Variants in CACNA2D1 observed in about 807,000 individuals in gnomAD.
CACNA2D1 encodes voltage-dependent calcium channel subunit alpha-2/delta-1.
CACNA2D1 carries 53 observed loss-of-function variants against 171.5 expected under a neutral mutation model. The ratio of observed to expected loss-of-function variants is 0.31; its 90% CI spans 0.25 to 0.39. The LOEUF is 0.39. Among genes scored for constraint, CACNA2D1 ranks in the 10% least tolerant of loss-of-function variants. The pLI is 1.00. For synonymous variants in CACNA2D1, 442 were observed against 443.1 expected (o/e 1.00, Z 0.03); for missense variants, 903 against 1,299.8 (o/e 0.69, Z 4.69).
At chr7:82,332,253 G>A (rs2129443891) in intron 3 of CACNA2D1, among the ~76,000 whole-genome samples, 1 of 152,056 alleles carries the variant, frequency 6.6e-6, no homozygotes, top group Middle Eastern at 3.4e-3. Context: ...GTAAACACGG[G>A]GTTTCACCCT....
chr7:82,263,863 G>A (rs142207973), intron 3 of CACNA2D1, among the ~76,000 whole-genome samples: 1 of 152,028 alleles, frequency 6.6e-6, no homozygotes, highest in African/African-American at 2.4e-5. Context: ...CCCAATCTCT[G>A]CAAAATGAAA....
intron 1 of CACNA2D1, among the ~76,000 whole-genome samples, chr7:82,432,222 A>C (rs1239782994): frequency 6.6e-6 from 1 of 152,106 alleles, no homozygotes; most frequent in Non-Finnish European, 1.5e-5. Flanking sequence ...TATGGGAGAG[A>C]AAAAAGAGCA....
At chr7:82,292,179 G>A (rs1242505299) in intron 3 of CACNA2D1, among the ~76,000 whole-genome samples, 3 of 151,948 alleles carry the variant, frequency 2.0e-5, no homozygotes, top group South Asian at 4.1e-4. Context: ...TGATTTCCCT[G>A]GAGTTATACA....
chr7:82,411,091 G>A (rs1827597902), intron 1 of CACNA2D1, among the ~76,000 whole-genome samples: 3 of 152,182 alleles, frequency 2.0e-5, no homozygotes, highest in Admixed American at 6.5e-5. Context: ...TCTAGAGAGT[G>A]TCTTCCAGGT....
intron 7 of CACNA2D1, among the ~76,000 whole-genome samples, chr7:82,082,188 G>A (rs1402860450): frequency 1.3e-5 from 2 of 152,162 alleles, no homozygotes; most frequent in Admixed American, 1.3e-4. Context: ...CTGATGTATG[G>A]GGCAGCTGTC....
intron 4 of CACNA2D1, among the ~76,000 whole-genome samples, chr7:82,160,510 A>G (rs1437520643): frequency 1.3e-5 from 2 of 152,114 alleles, no homozygotes; most frequent in Non-Finnish European, 2.9e-5. Flanking sequence ...ATTTAATAAG[A>G]TTTGGGAGAT....
chr7:82,301,944 G>T (rs1054917714), intron 3 of CACNA2D1, among the ~76,000 whole-genome samples: 11 of 151,990 alleles, frequency 7.2e-5, no homozygotes, highest in Admixed American at 3.3e-4. Flanking sequence ...TTTTTTAGTA[G>T]AGATGGGGTT....
chr7:82,433,449 A>T (rs950378630), intron 1 of CACNA2D1, among the ~76,000 whole-genome samples: 6 of 152,216 alleles, frequency 3.9e-5, no homozygotes, highest in Admixed American at 2.6e-4. Context: ...TGAGAATGGA[A>T]TATGTAATTT....
intron 1 of CACNA2D1, among the ~76,000 whole-genome samples, chr7:82,367,746 G>A (rs1318384321): frequency 4.6e-5 from 7 of 152,080 alleles, no homozygotes; most frequent in Non-Finnish European, 1.5e-5. Context: ...ATATTAGCAA[G>A]GCGTGATGAA....
intron 6 of CACNA2D1, among the ~76,000 whole-genome samples, chr7:82,096,165 G>A (rs1811838768): frequency 6.6e-6 from 1 of 152,178 alleles, no homozygotes; most frequent in Admixed American, 6.5e-5. Flanking sequence ...GAACCAGGCG[G>A]TAAATGTTTT....
chr7:82,251,455 T>G (rs1344025024), intron 3 of CACNA2D1, among the ~76,000 whole-genome samples: 1 of 152,206 alleles, frequency 6.6e-6, no homozygotes, highest in African/African-American at 2.4e-5. Flanking sequence ...CATTTCATTG[T>G]ACATTCATGG....
chr7:82,368,205 A>T (rs1821973645), intron 1 of CACNA2D1, among the ~76,000 whole-genome samples: 2 of 152,340 alleles, frequency 1.3e-5, no homozygotes, highest in South Asian at 2.1e-4. Flanking sequence ...TGCTCCTCGT[A>T]GCAAGCAGAA....
chr7:82,179,197 TGGG>T (rs1402776485), intron 3 of CACNA2D1, among the ~76,000 whole-genome samples: 1 of 152,110 alleles, frequency 6.6e-6, no homozygotes, highest in African/African-American at 2.4e-5. Context: ...AATTCCACTC[TGGG>T]GTCTTAGAAT....
intron 3 of CACNA2D1, among the ~76,000 whole-genome samples, chr7:82,303,975 A>C (rs958359764): frequency 9.2e-5 from 14 of 152,176 alleles, no homozygotes; most frequent in African/African-American, 3.1e-4. Context: ...ACAAGGGACT[A>C]ATATCAAGGA....
At position 81,950,287 on chromosome 7, in the gene CACNA2D1, T is replaced by C. The variant is rs1792368877; in HGVS notation, c.*105A>G. Reference sequence around the variant, plus strand: ...TATGCCATGGAACAGGCCCAGCTAATGTTTGTCTGATTTTATAGCTGACCC... The same window carrying C: ...TATGCCATGGAACAGGCCCAGCTAACGTTTGTCTGATTTTATAGCTGACCC... On this transcript the variant is annotated 3_prime_UTR_variant, in exon 39 of 39. Coordinates refer to ENST00000356860, the MANE Select transcript of CACNA2D1 (RefSeq NM_000722.4). 4 of 1,602,956 alleles carry C rather than the reference T, an allele frequency of 2.5e-6. No individual in the cohort carries two copies. Among genetic ancestry groups the C allele is most frequent in the Non-Finnish European group, 3.4e-6 (4 of 1,172,370 alleles).
At chr7:82,357,247 CTCTT>C (rs748020738) in intron 1 of CACNA2D1, among the ~76,000 whole-genome samples, 8 of 152,080 alleles carry the variant, frequency 5.3e-5, no homozygotes, top group Non-Finnish European at 7.4e-5. Context: ...GTTCAGTAAA[CTCTT>C]TATTTTCAAA....
At chr7:82,131,599 TTAATAA>T (rs1790985648) in intron 5 of CACNA2D1, among the ~76,000 whole-genome samples, 2 of 152,226 alleles carry the variant, frequency 1.3e-5, no homozygotes, top group Admixed American at 1.3e-4. Flanking sequence ...ACTAAATTTA[TTAATAA>T]TGTTATCCCA....
intron 11 of CACNA2D1, among the ~76,000 whole-genome samples, chr7:82,037,836 T>C (rs1310355702): frequency 1.3e-5 from 2 of 152,120 alleles, no homozygotes; most frequent in Non-Finnish European, 2.9e-5. Flanking sequence ...TCCTTATAAA[T>C]TTTTTTAAAA....
At chr7:82,431,744 A>G (rs1022042920) in intron 1 of CACNA2D1, among the ~76,000 whole-genome samples, 12 of 151,862 alleles carry the variant, frequency 7.9e-5, no homozygotes, top group African/African-American at 2.9e-4. Flanking sequence ...GGTTAGATGG[A>G]TTAAAAAACA....
Sources: allele counts gnomAD v4.1 joint callset (sites outside exome capture counted in the v4.1 genomes callset), GRCh38; gene constraint gnomAD v4.1.1; transcripts MANE v1.5; gene names NCBI Gene and HGNC (gene_info 2026-07-23, HGNC 2026-07-21).